The following LRP1B variants were observed in gnomAD, a reference collection of about 807,000 sequenced individuals.
LRP1B encodes LDL receptor related protein 1B.
LRP1B carries 217 observed loss-of-function variants against 556.6 expected under a neutral mutation model. The observed-to-expected ratio is 0.39, with a 90% CI of 0.35 to 0.44. The LOEUF is 0.44. LRP1B is among the 20% of genes least tolerant of loss of function. The probability of loss-of-function intolerance (pLI) is 1.00; values close to 1 mark genes in which losing one functional copy is unlikely to be tolerated. For synonymous variants in LRP1B, 2,047 were observed against 1,865.8 expected (o/e 1.10, Z -2.50); for missense variants, 5,053 against 5,620.8 (o/e 0.90, Z 3.23).
intron 1 of LRP1B, among the ~76,000 whole-genome samples, chr2:141,822,116 C>CAGAGAGAGAGAGAG (rs1178777835): frequency 2.0e-5 from 2 of 102,234 alleles, no homozygotes; most frequent in African/African-American, 9.2e-5. Context: ...CACACACACA[C>CAGAGAGAGAGAGAG]ACACACACAC....
intron 1 of LRP1B, among the ~76,000 whole-genome samples, chr2:141,916,674 G>A (rs532783321): frequency 7.3e-5 from 11 of 151,368 alleles, no homozygotes; most frequent in African/African-American, 1.7e-4. Flanking sequence ...GAGCCACCGC[G>A]CCCGGCCCCA....
At chr2:140,565,049 A>T (rs1574084782) in intron 43 of LRP1B, among the ~76,000 whole-genome samples, 1 of 150,290 alleles carries the variant, frequency 6.7e-6, no homozygotes, top group East Asian at 2.0e-4. Context: ...GGAAAAATGG[A>T]AGCACACTGA....
intron 3 of LRP1B, among the ~76,000 whole-genome samples, chr2:141,421,004 C>T (rs985083027): frequency 2.6e-5 from 4 of 152,186 alleles, no homozygotes; most frequent in Non-Finnish European, 5.9e-5. Flanking sequence ...TAAAATTAAA[C>T]CACTCTTCTT....
chr2:141,294,643 GGT>G (rs1161674860), intron 3 of LRP1B, among the ~76,000 whole-genome samples: 2 of 151,748 alleles, frequency 1.3e-5, no homozygotes, highest in African/African-American at 4.8e-5. Flanking sequence ...AAAAGGCTGA[GGT>G]GGGGGGATGG....
intron 2 of LRP1B, among the ~76,000 whole-genome samples, chr2:141,777,379 G>A (rs763866807): frequency 2.6e-5 from 4 of 152,054 alleles, no homozygotes; most frequent in Non-Finnish European, 5.9e-5. Flanking sequence ...TTTATAAAAG[G>A]TGAATCTGCA....
Position 142,129,117 on chromosome 2 carries a change from T to A in LRP1B, c.82+1531A>T, listed in dbSNP as rs114774177. On this transcript the variant is annotated intron_variant, in intron 1 of 90. Transcript: ENST00000389484. ...AAATCTCCATTCTGTTCATCTGCTC[T>A]GGTCCAACTTCAAACATTTTTCCTA... is the stretch of plus-strand genomic sequence containing the variant. Among the ~76,000 whole-genome samples, 639 of 152,312 alleles carry A rather than the reference T, an allele frequency of 4.2e-3. 3 individuals are homozygous for A. Among genetic ancestry groups the A allele is most frequent in the African/African-American group, 0.015 (613 of 41,568 alleles).
chr2:141,462,771 A>G (rs1681932617), intron 3 of LRP1B, among the ~76,000 whole-genome samples: 1 of 152,136 alleles, frequency 6.6e-6, no homozygotes, highest in Admixed American at 6.6e-5. Context: ...ACGCTGTCTT[A>G]TTGTTACTAT....
chr2:141,853,397 T>C (rs1211148232), intron 1 of LRP1B, among the ~76,000 whole-genome samples: 1 of 151,822 alleles, frequency 6.6e-6, no homozygotes, highest in Non-Finnish European at 1.5e-5. Flanking sequence ...CAATTGTGCC[T>C]ATTCTATTTA....
chr2:140,590,020 C>T (rs1265419719), intron 43 of LRP1B, among the ~76,000 whole-genome samples: 5 of 152,040 alleles, frequency 3.3e-5, no homozygotes, highest in African/African-American at 1.2e-4. Flanking sequence ...AAAGAGTACA[C>T]TTGATCCTTC....
chr2:140,837,594 C>T (rs1054936960), intron 31 of LRP1B, among the ~76,000 whole-genome samples: 5 of 136,694 alleles, frequency 3.7e-5, no homozygotes, highest in Non-Finnish European at 4.7e-5. Context: ...CAATCATCAT[C>T]CTTATGCAGT....
At chr2:141,811,341 A>C (rs1373864152) in intron 1 of LRP1B, among the ~76,000 whole-genome samples, 2 of 152,076 alleles carry the variant, frequency 1.3e-5, no homozygotes, top group Non-Finnish European at 2.9e-5. Context: ...CCAACATTAA[A>C]TAGGTCTCGG....
chr2:141,979,002 C>A (rs1701968464), intron 1 of LRP1B, among the ~76,000 whole-genome samples: 2 of 151,278 alleles, frequency 1.3e-5, no homozygotes, highest in South Asian at 4.2e-4. Flanking sequence ...GTAAGTCTGG[C>A]AAACCAATGG....
chr2:141,437,675 TG>T (rs766427216), intron 3 of LRP1B, among the ~76,000 whole-genome samples: 53 of 151,952 alleles, frequency 3.5e-4, no homozygotes, highest in Non-Finnish European at 7.5e-4. Flanking sequence ...CAAACTGCAT[TG>T]GTATTGAGAA....
chr2:140,532,921 C>T, intron 47 of LRP1B, among the ~76,000 whole-genome samples: 1 of 50,526 alleles, frequency 2.0e-5, no homozygotes, highest in East Asian at 9.0e-4. Flanking sequence ...TGTGCAATCA[C>T]AGCACAAGAT....
At chr2:141,084,423 T>G (rs1699997585) in intron 7 of LRP1B, among the ~76,000 whole-genome samples, 1 of 152,204 alleles carries the variant, frequency 6.6e-6, no homozygotes, top group Admixed American at 6.5e-5. Flanking sequence ...TTTATTGCAC[T>G]GACAATGTAT....
intron 2 of LRP1B, among the ~76,000 whole-genome samples, chr2:141,727,345 C>T (rs1252200972): frequency 3.1e-4 from 47 of 152,214 alleles, no homozygotes; most frequent in Non-Finnish European, 1.5e-5. Context: ...AGAGGCAGAG[C>T]CAAAATCTGG....
At chr2:141,258,158 C>T (rs984980695) in intron 3 of LRP1B, among the ~76,000 whole-genome samples, 1 of 152,170 alleles carries the variant, frequency 6.6e-6, no homozygotes, top group African/African-American at 2.4e-5. Flanking sequence ...ATATTCCTCA[C>T]CATTATAAAA....
At chr2:141,696,377 T>C (rs890333265) in intron 2 of LRP1B, among the ~76,000 whole-genome samples, 2 of 152,014 alleles carry the variant, frequency 1.3e-5, no homozygotes, top group Non-Finnish European at 2.9e-5. Flanking sequence ...TATATGTTAC[T>C]TTTAATATTG....
At chr2:141,110,165 T>C (rs1024928521) in intron 7 of LRP1B, among the ~76,000 whole-genome samples, 2 of 152,126 alleles carry the variant, frequency 1.3e-5, no homozygotes, top group South Asian at 4.1e-4. Flanking sequence ...CTTAACACAA[T>C]GCACATTCCA....
Sources: gnomAD v4.1 joint callset for allele counts (sites outside exome capture counted in the v4.1 genomes callset) on GRCh38, gnomAD v4.1.1 for gene constraint, MANE v1.5 for transcripts, NCBI Gene and HGNC (gene_info 2026-07-23, HGNC 2026-07-21) for gene names.